The following BCAS1 variants were observed in gnomAD, a reference collection of about 807,000 sequenced individuals.
BCAS1 encodes breast carcinoma-amplified sequence 1.
In BCAS1, 46 loss-of-function variants were observed where a neutral mutation model predicts 65.4. The observed-to-expected ratio is 0.70, with a 90% CI of 0.55 to 0.90. BCAS1 has a LOEUF of 0.90. BCAS1 is among the 40% of genes least tolerant of loss of function. The pLI is 0.00. For synonymous variants in BCAS1, 298 were observed against 293.5 expected, an observed-to-expected ratio of 1.02 and a Z score of -0.16; for missense variants, 793 against 771.2, an observed-to-expected ratio of 1.03 and a Z score of -0.33.
At chr20:53,981,805 C>G (rs1307875897) in intron 8 of BCAS1, among the ~76,000 whole-genome samples, 1 of 134,888 alleles carries the variant, frequency 7.4e-6, no homozygotes, top group African/African-American at 2.9e-5. Context: ...TTATTAATTA[C>G]AAATACATGT....
At chr20:54,030,672 G>A (rs543193540) in intron 3 of BCAS1, among the ~76,000 whole-genome samples, 3 of 151,312 alleles carry the variant, frequency 2.0e-5, no homozygotes, top group African/African-American at 7.2e-5. Context: ...GCAGTGTCTA[G>A]ACTAAACAAC....
At chr20:53,983,432 A>C (rs972930707) in intron 8 of BCAS1, among the ~76,000 whole-genome samples, 6 of 152,186 alleles carry the variant, frequency 3.9e-5, no homozygotes, top group Admixed American at 3.3e-4. Flanking sequence ...AGGAAACGAA[A>C]GCTCATAGAG....
chr20:54,066,139 T>C (rs905342992), intron 1 of BCAS1, among the ~76,000 whole-genome samples: 7 of 151,786 alleles, frequency 4.6e-5, no homozygotes, highest in Non-Finnish European at 7.4e-5. Context: ...GTGGCGCCAT[T>C]TCGGCTCACT....
At chr20:54,013,551 G>T (rs1342577016) in intron 4 of BCAS1, among the ~76,000 whole-genome samples, 1 of 152,200 alleles carries the variant, frequency 6.6e-6, no homozygotes, top group South Asian at 2.1e-4. Context: ...CTGTAAAAAG[G>T]ATATATTCTT....
intron 4 of BCAS1, 125 bp downstream of exon 4, chr20:54,028,267 T>C (rs2091719238): frequency 2.2e-6 from 2 of 892,772 alleles, no homozygotes. Context: ...CTATTTGTTC[T>C]AGAGGGGTCA....
Position 54,028,970 on chromosome 20 carries a change from C to A in BCAS1, c.145G>T (p.Asp49Tyr). The change falls in exon 4 of 13, where the codon GAC becomes TAC. Residue 49 changes from aspartate (D) to tyrosine (Y), a missense_variant and splice_region_variant. By Grantham distance (160) the Asp-to-Tyr change is radical. Coordinates refer to ENST00000688948, the MANE Select transcript of BCAS1 (RefSeq NM_001366298.2). ...THTVQHLEEV[D>Y]LGISVKTDNV... ...TCCGTCTTGACACTTATTCCCAAGT[C>A]GACTGTAAACACAAACATAAACAGT... 2 of 1,603,176 alleles carry A rather than the reference C, an allele frequency of 1.2e-6. No individual in the cohort carries two copies. Among genetic ancestry groups the A allele is most frequent in the South Asian group, 1.1e-5 (1 of 90,472 alleles).
intron 4 of BCAS1, among the ~76,000 whole-genome samples, chr20:54,001,358 C>T (rs959589117): frequency 1.3e-5 from 2 of 152,182 alleles, no homozygotes; most frequent in Non-Finnish European, 2.9e-5. Flanking sequence ...CTTCCCCAAA[C>T]AAGCCCCCTT....
At chr20:53,967,094 A>G (rs370637556) in intron 9 of BCAS1, 21 bp from the exon 10 acceptor site, 30 of 1,599,152 alleles carry the variant, frequency 1.9e-5, no homozygotes, top group African/African-American at 1.2e-4. Flanking sequence ...TTGCCAGGTA[A>G]TAAGAAAATG....
At chr20:54,065,655 T>C (rs867984920) in intron 1 of BCAS1, among the ~76,000 whole-genome samples, 4 of 152,216 alleles carry the variant, frequency 2.6e-5, no homozygotes, top group Non-Finnish European at 5.9e-5. Flanking sequence ...TGTAGCCAGG[T>C]GTCACCTAGG....
At chr20:54,057,158 T>C (rs1284338632) in intron 3 of BCAS1, among the ~76,000 whole-genome samples, 2 of 152,168 alleles carry the variant, frequency 1.3e-5, no homozygotes, top group African/African-American at 4.8e-5. Context: ...TAAAGTCAAA[T>C]AGGTAAGTAT....
At chr20:54,023,635 A>G (rs1310851691) in intron 4 of BCAS1, among the ~76,000 whole-genome samples, 1 of 152,196 alleles carries the variant, frequency 6.6e-6, no homozygotes, top group East Asian at 1.9e-4. Context: ...TGGCGTTTGC[A>G]CAGGTCAGGT....
At chr20:54,036,334 T>G (rs2091899312) in intron 3 of BCAS1, among the ~76,000 whole-genome samples, 1 of 151,424 alleles carries the variant, frequency 6.6e-6, no homozygotes, top group Admixed American at 6.6e-5. Context: ...AAATCAAGAA[T>G]GACAGTAGCA....
chr20:54,021,792 T>C (rs1334767853), intron 4 of BCAS1, among the ~76,000 whole-genome samples: 1 of 151,758 alleles, frequency 6.6e-6, no homozygotes, highest in Non-Finnish European at 1.5e-5. Context: ...AATACCTAGG[T>C]GATGGGATGA....
chr20:54,011,090 TCG>T (rs2091309591), intron 4 of BCAS1, among the ~76,000 whole-genome samples: 1 of 152,086 alleles, frequency 6.6e-6, no homozygotes, highest in Non-Finnish European at 1.5e-5. Flanking sequence ...TCAAAAGAGA[TCG>T]TGGACTTAAA....
intron 4 of BCAS1, among the ~76,000 whole-genome samples, chr20:54,011,726 A>T (rs2091324699): frequency 1.3e-5 from 2 of 152,172 alleles, no homozygotes; most frequent in Admixed American, 6.6e-5. Context: ...ACATGCAGGC[A>T]GGGCGTGGTG....
intron 4 of BCAS1, among the ~76,000 whole-genome samples, chr20:54,009,106 C>T (rs918537400): frequency 2.0e-5 from 3 of 152,214 alleles, no homozygotes; most frequent in South Asian, 2.1e-4. Context: ...AGCCACTGTG[C>T]CCGGCCTCTG....
intron 4 of BCAS1, among the ~76,000 whole-genome samples, chr20:54,020,635 T>C (rs923159659): frequency 6.6e-6 from 1 of 152,242 alleles, no homozygotes; most frequent in African/African-American, 2.4e-5. Context: ...TGCCAGCCAT[T>C]GTGCTAGGCA....
intron 12 of BCAS1, among the ~76,000 whole-genome samples, chr20:53,946,896 G>A (rs554012398): frequency 4.0e-4 from 60 of 151,688 alleles, no homozygotes; most frequent in Admixed American, 6.6e-4. Context: ...ACATGATATC[G>A]TATAATATGT....
intron 8 of BCAS1, among the ~76,000 whole-genome samples, chr20:53,980,484 A>G (rs533806145): frequency 1.3e-5 from 2 of 152,328 alleles, no homozygotes; most frequent in South Asian, 4.1e-4. Context: ...GACAACCCAC[A>G]TTATAGGGCC....
Sources: gnomAD v4.1 joint callset for allele counts (sites outside exome capture counted in the v4.1 genomes callset) on GRCh38, gnomAD v4.1.1 for gene constraint, MANE v1.5 for transcripts, NCBI Gene and HGNC (gene_info 2026-07-23, HGNC 2026-07-21) for gene names.